The following GRM8 variants were observed in gnomAD, a reference collection of about 807,000 sequenced individuals.
The protein encoded by GRM8 is metabotropic glutamate receptor 8.
Under a neutral mutation model 87.2 loss-of-function variants are expected in GRM8, and 47 were observed. The ratio of observed to expected loss-of-function variants is 0.54; its 90% confidence interval spans 0.43 to 0.69. GRM8 has a LOEUF of 0.69. GRM8 is among the 30% of genes least tolerant of loss of function. GRM8 has a pLI of 0.00. For missense variants in GRM8, 1,019 were observed against 1,139.2 expected, an observed-to-expected ratio of 0.89 and a Z score of 1.52; for synonymous variants, 396 against 404.5, an observed-to-expected ratio of 0.98 and a Z score of 0.25.
chr7:126,879,669 A>G (rs1301348321), intron 6 of GRM8, among the ~76,000 whole-genome samples: 1 of 152,218 alleles, frequency 6.6e-6, no homozygotes, highest in Non-Finnish European at 1.5e-5. Context: ...CAAGGAATTA[A>G]TTTTACACCA....
At position 126,439,086 on chromosome 7, in the gene GRM8, C is replaced by T. The variant is rs1472977656; in HGVS notation, c.*33G>A. The T allele has an allele frequency of 7.6e-7, 1 of 1,316,506 alleles. No homozygotes were observed. The highest frequency in any genetic ancestry group is 1.7e-5 in the Admixed American group (1 of 59,518). The allele number at this position is 1,316,506 out of a possible 1,614,324, so 81.6% of individuals were successfully genotyped here. On this transcript the variant is annotated 3_prime_UTR_variant, in exon 11 of 11. Coordinates refer to ENST00000339582, the MANE Select transcript of GRM8 (RefSeq NM_000845.3). ...CATGTTCATCATTTAAGATCATATA[C>T]CACATCTCTTCAGATTGTGCCATTT...
intron 2 of GRM8, among the ~76,000 whole-genome samples, chr7:127,239,323 G>A (rs1055843571): frequency 6.6e-6 from 1 of 152,224 alleles, no homozygotes; most frequent in Non-Finnish European, 1.5e-5. Context: ...GTAGGACAGT[G>A]AGTAAGTTCA....
chr7:126,517,522 C>T (rs922263274), intron 9 of GRM8, among the ~76,000 whole-genome samples: 1 of 152,052 alleles, frequency 6.6e-6, no homozygotes, highest in Non-Finnish European at 1.5e-5. Context: ...CTTATAAACA[C>T]TATACCATGC....
At chr7:126,753,847 C>T (rs1816712684) in intron 7 of GRM8, among the ~76,000 whole-genome samples, 1 of 151,804 alleles carries the variant, frequency 6.6e-6, no homozygotes, top group South Asian at 2.1e-4. Flanking sequence ...TTTTATTCTA[C>T]CCCTCCGAAT....
chr7:126,850,474 G>A (rs753144199), intron 6 of GRM8, among the ~76,000 whole-genome samples: 1 of 152,100 alleles, frequency 6.6e-6, no homozygotes, highest in Non-Finnish European at 1.5e-5. Context: ...ACTACAACAG[G>A]GAGAACACAT....
intron 2 of GRM8, among the ~76,000 whole-genome samples, chr7:127,235,468 C>T (rs1165983642): frequency 6.6e-6 from 1 of 152,234 alleles, no homozygotes; most frequent in African/African-American, 2.4e-5. Context: ...AAGGGCCCTA[C>T]ACCACCAAAA....
chr7:126,966,038 ACT>A (rs1428261076), intron 3 of GRM8, among the ~76,000 whole-genome samples: 1 of 152,094 alleles, frequency 6.6e-6, no homozygotes, highest in Non-Finnish European at 1.5e-5. Context: ...AAGAAATAGC[ACT>A]CTCTAAAACC....
chr7:127,014,309 T>A (rs951571136), intron 3 of GRM8, among the ~76,000 whole-genome samples: 30 of 152,122 alleles, frequency 2.0e-4, no homozygotes, highest in Admixed American at 2.6e-4. Context: ...GACTTTAACT[T>A]ATCTAGTACT....
At chr7:127,199,891 A>G (rs1795494278) in intron 2 of GRM8, among the ~76,000 whole-genome samples, 1 of 152,194 alleles carries the variant, frequency 6.6e-6, no homozygotes, top group Non-Finnish European at 1.5e-5. Context: ...TATACTATTG[A>G]TTTTTAGAAT....
intron 6 of GRM8, among the ~76,000 whole-genome samples, chr7:126,790,942 C>T (rs1821220010): frequency 6.6e-6 from 1 of 152,106 alleles, no homozygotes; most frequent in Admixed American, 6.6e-5. Flanking sequence ...GATGTCTTTC[C>T]TGCGGGGCAG....
At chr7:126,682,949 T>C (rs1309341546) in intron 7 of GRM8, among the ~76,000 whole-genome samples, 1 of 152,130 alleles carries the variant, frequency 6.6e-6, no homozygotes, top group Non-Finnish European at 1.5e-5. Context: ...CTCTGGAGGC[T>C]GAGGCAGGAG....
chr7:126,622,096 G>A (rs1005811630), intron 7 of GRM8, among the ~76,000 whole-genome samples: 9 of 152,176 alleles, frequency 5.9e-5, no homozygotes, highest in Middle Eastern at 3.4e-3. Flanking sequence ...CCAAGAAGCT[G>A]AACATTGTTT....
intron 7 of GRM8, among the ~76,000 whole-genome samples, chr7:126,636,923 T>G (rs927056461): frequency 2.6e-5 from 4 of 152,258 alleles, no homozygotes; most frequent in Middle Eastern, 3.4e-3. Context: ...CATGGATTTC[T>G]AAAGTTCTTC....
intron 3 of GRM8, among the ~76,000 whole-genome samples, chr7:126,974,015 C>A (rs1416482159): frequency 6.6e-6 from 1 of 152,180 alleles, no homozygotes; most frequent in Non-Finnish European, 1.5e-5. Context: ...TGATGCTACA[C>A]AGGTACCTGA....
At chr7:126,888,348 A>G (rs2131058799) in intron 6 of GRM8, among the ~76,000 whole-genome samples, 1 of 152,180 alleles carries the variant, frequency 6.6e-6, no homozygotes. Flanking sequence ...GTCAATGAGA[A>G]AGCCTCATTT....
At chr7:127,141,419 AT>A (rs1464709681) in intron 2 of GRM8, among the ~76,000 whole-genome samples, 3 of 152,192 alleles carry the variant, frequency 2.0e-5, no homozygotes, top group Non-Finnish European at 4.4e-5. Context: ...ATATTGCTTT[AT>A]CTAGTCAGAT....
intron 3 of GRM8, among the ~76,000 whole-genome samples, chr7:126,974,271 G>C (rs1021079141): frequency 6.6e-6 from 1 of 152,070 alleles, no homozygotes; most frequent in Admixed American, 6.5e-5. Context: ...TTGGATAAAA[G>C]ATACACAACC....
intron 8 of GRM8, among the ~76,000 whole-genome samples, chr7:126,544,262 C>T (rs1261949775): frequency 1.3e-5 from 2 of 152,086 alleles, no homozygotes; most frequent in African/African-American, 4.8e-5. Flanking sequence ...ATAAATAGAA[C>T]ATGTGATAAA....
At chr7:126,812,308 T>C (rs1322951415) in intron 6 of GRM8, among the ~76,000 whole-genome samples, 2 of 152,014 alleles carry the variant, frequency 1.3e-5, no homozygotes, top group Non-Finnish European at 2.9e-5. Flanking sequence ...AATTTTATCA[T>C]TGTGCGAACA....
Sources: allele counts gnomAD v4.1 joint callset (sites outside exome capture counted in the v4.1 genomes callset), GRCh38; gene constraint gnomAD v4.1.1; transcripts MANE v1.5; gene names NCBI Gene and HGNC (gene_info 2026-07-23, HGNC 2026-07-21).